The following ASIC2 variants were observed in gnomAD, a reference collection of about 807,000 sequenced individuals.
ASIC2 encodes the protein acid-sensing ion channel 2.
A neutral mutation model predicts 57.3 loss-of-function variants in ASIC2; 25 were observed. The ratio of observed to expected loss-of-function variants is 0.44; its 90% CI spans 0.32 to 0.61. ASIC2 has a LOEUF of 0.61. Ranked by LOEUF, ASIC2 falls within the 20% of genes least tolerant of loss-of-function variation. ASIC2 has a pLI of 0.06. For synonymous variants in ASIC2, 319 were observed against 307.5 expected (o/e 1.04, Z -0.39); for missense variants, 641 against 738.1 (o/e 0.87, Z 1.52).
intron 1 of ASIC2, among the ~76,000 whole-genome samples, chr17:33,368,142 AC>A (rs1376357861): frequency 2.0e-5 from 3 of 152,224 alleles, no homozygotes; most frequent in African/African-American, 2.4e-5. Context: ...GACCATTGTA[AC>A]AGCTTTGATC....
chr17:34,057,414 G>C (rs906493415), intron 1 of ASIC2, among the ~76,000 whole-genome samples: 14 of 152,216 alleles, frequency 9.2e-5, no homozygotes, highest in African/African-American at 3.4e-4. Context: ...TAAAGCCCAA[G>C]GAGGGTGTGA....
intron 1 of ASIC2, among the ~76,000 whole-genome samples, chr17:33,348,982 T>A (rs1384922868): frequency 6.6e-6 from 1 of 152,182 alleles, no homozygotes; most frequent in Non-Finnish European, 1.5e-5. Context: ...GGATCCTGTT[T>A]GAATGCAGAC....
chr17:33,342,285 A>G (rs926504800), intron 1 of ASIC2, among the ~76,000 whole-genome samples: 5 of 151,856 alleles, frequency 3.3e-5, no homozygotes, highest in African/African-American at 1.2e-4. Context: ...TGAACTGCAA[A>G]TTGGCTTTTT....
chr17:33,040,387 G>A (rs2091925113), intron 3 of ASIC2, among the ~76,000 whole-genome samples: 2 of 152,258 alleles, frequency 1.3e-5, no homozygotes, highest in South Asian at 4.1e-4. Context: ...GTAGTGGCTG[G>A]TGGTGTGAGA....
At chr17:33,490,305 A>G (rs1214852263) in intron 1 of ASIC2, among the ~76,000 whole-genome samples, 1 of 152,266 alleles carries the variant, frequency 6.6e-6, no homozygotes, top group African/African-American at 2.4e-5. Flanking sequence ...CTTTCTGGTT[A>G]TAATAATTAA....
At chr17:33,273,082 AG>A (rs1388246530) in intron 1 of ASIC2, among the ~76,000 whole-genome samples, 9 of 152,222 alleles carry the variant, frequency 5.9e-5, no homozygotes, top group African/African-American at 2.2e-4. Context: ...CTGGCAATGT[AG>A]GAGAAGAGAT....
intron 1 of ASIC2, among the ~76,000 whole-genome samples, chr17:33,905,448 T>C (rs1267549000): frequency 1.3e-5 from 2 of 152,194 alleles, no homozygotes; most frequent in Non-Finnish European, 2.9e-5. Flanking sequence ...TCAAGCCATG[T>C]AATGTCTTCC....
chr17:33,608,076 CG>C (rs1905273204), intron 1 of ASIC2, among the ~76,000 whole-genome samples: 1 of 152,072 alleles, frequency 6.6e-6, no homozygotes, highest in South Asian at 2.1e-4. Context: ...GAAATACAAT[CG>C]GGCCAAGGAA....
At chr17:33,742,308 A>G (rs1207545805) in intron 1 of ASIC2, among the ~76,000 whole-genome samples, 1 of 152,140 alleles carries the variant, frequency 6.6e-6, no homozygotes, top group East Asian at 1.9e-4. Flanking sequence ...ACCACAAGCT[A>G]TTCCCACTAC....
At chr17:33,858,819 C>G (rs1225716634) in intron 1 of ASIC2, among the ~76,000 whole-genome samples, 1 of 152,182 alleles carries the variant, frequency 6.6e-6, no homozygotes, top group Non-Finnish European at 1.5e-5. Flanking sequence ...TTGAACCATG[C>G]CAGACACAAG....
At chr17:34,037,924 A>G in intron 1 of ASIC2, 1 of 1,613,848 alleles carries the variant, frequency 6.2e-7, no homozygotes. Context: ...AAAGACACTG[A>G]TAGAAGATCA....
intron 1 of ASIC2, among the ~76,000 whole-genome samples, chr17:33,937,188 G>A (rs1352488141): frequency 2.0e-5 from 3 of 152,098 alleles, no homozygotes; most frequent in East Asian, 1.9e-4. Context: ...TGCAAACTCC[G>A]CCTCCTGTGT....
At chr17:33,559,612 C>T (rs1389516503) in intron 1 of ASIC2, among the ~76,000 whole-genome samples, 1 of 152,180 alleles carries the variant, frequency 6.6e-6, no homozygotes, top group Non-Finnish European at 1.5e-5. Flanking sequence ...CCATTATTGT[C>T]AAAAGCAGAG....
intron 1 of ASIC2, among the ~76,000 whole-genome samples, chr17:33,307,767 T>C (rs747091778): frequency 6.6e-6 from 1 of 152,226 alleles, no homozygotes; most frequent in African/African-American, 2.4e-5. Context: ...TTAATTTCCT[T>C]ATTTGAAAAA....
intron 1 of ASIC2, among the ~76,000 whole-genome samples, chr17:33,197,196 T>C (rs551728040): frequency 1.3e-5 from 2 of 152,348 alleles, no homozygotes; most frequent in South Asian, 4.1e-4. Flanking sequence ...ACTGTGAGAT[T>C]CCAGGAATCT....
intron 1 of ASIC2, among the ~76,000 whole-genome samples, chr17:33,379,712 G>T (rs1909410143): frequency 6.6e-6 from 1 of 152,154 alleles, no homozygotes; most frequent in Non-Finnish European, 1.5e-5. Context: ...GATCAGCTAT[G>T]GTTCACACAT....
intron 1 of ASIC2, among the ~76,000 whole-genome samples, chr17:33,605,879 G>A (rs1905221149): frequency 6.6e-6 from 1 of 152,080 alleles, no homozygotes; most frequent in Admixed American, 6.5e-5. Flanking sequence ...TTTCTAGCAT[G>A]CTCCCCCTGT....
intron 1 of ASIC2, among the ~76,000 whole-genome samples, chr17:33,606,733 C>T (rs1905241314): frequency 6.6e-6 from 1 of 152,124 alleles, no homozygotes; most frequent in Non-Finnish European, 1.5e-5. Context: ...GCTTAATGCA[C>T]CACACTGAAA....
Position 33,028,464 on chromosome 17 carries a change from T to C in ASIC2, c.988-72A>G. ...GTAACTCATTCATTTACTTACTCAA[T>C]CAACAAACAATTATTGAGCATTTAA... On this transcript the variant is annotated intron_variant, in intron 3 of 9. Coordinates refer to ENST00000225823, the MANE Select transcript of ASIC2 (RefSeq NM_183377.2). 8 of 1,558,444 alleles carry C rather than the reference T, an allele frequency of 5.1e-6. No individual in the cohort carries two copies. In the South Asian group the frequency reaches 8.0e-5, roughly 16 times the overall value.
Sources: gnomAD v4.1 joint callset for allele counts (sites outside exome capture counted in the v4.1 genomes callset) on GRCh38, gnomAD v4.1.1 for gene constraint, MANE v1.5 for transcripts, NCBI Gene and HGNC (gene_info 2026-07-23, HGNC 2026-07-21) for gene names.